Variants in HIVEP3 observed in about 807,000 individuals in gnomAD.
HIVEP3 encodes HIVEP zinc finger 3.
In HIVEP3, 49 loss-of-function variants were observed where a neutral mutation model predicts 152.8. The ratio of observed to expected loss-of-function variants is 0.32; its 90% CI spans 0.26 to 0.41. The LOEUF (loss-of-function observed/expected upper bound fraction) is 0.41, where lower values mean the gene tolerates loss of function less well. HIVEP3 is among the 10% of genes least tolerant of loss of function. HIVEP3 has a pLI of 1.00. For missense variants in HIVEP3, 2,790 were observed against 3,103.3 expected (o/e 0.90, Z 2.40); for synonymous variants, 1,269 against 1,289.0 (o/e 0.98, Z 0.33).
chr1:41,936,134 G>A (rs1207490791), intron 1 of HIVEP3, among the ~76,000 whole-genome samples: 3 of 152,156 alleles, frequency 2.0e-5, no homozygotes, highest in African/African-American at 7.2e-5. Context: ...AAGGGTAAAT[G>A]TAAATCACCC....
intron 1 of HIVEP3, among the ~76,000 whole-genome samples, chr1:41,963,243 C>T (rs1645178821): frequency 6.6e-6 from 1 of 152,072 alleles, no homozygotes; most frequent in East Asian, 1.9e-4. Context: ...GATCTCCTGA[C>T]CTCGTGATCC....
chr1:41,556,092 A>G (rs1223431168), intron 5 of HIVEP3, among the ~76,000 whole-genome samples: 1 of 152,246 alleles, frequency 6.6e-6, no homozygotes, highest in Non-Finnish European at 1.5e-5. Flanking sequence ...GCTGCTGAAC[A>G]CAGGTGTACA....
chr1:42,003,826 A>C (rs1013478655), intron 1 of HIVEP3, among the ~76,000 whole-genome samples: 2 of 151,686 alleles, frequency 1.3e-5, no homozygotes, highest in African/African-American at 4.8e-5. Context: ...TCAAGAGTAC[A>C]GTAAAGAGAA....
intron 1 of HIVEP3, among the ~76,000 whole-genome samples, chr1:41,730,824 G>T (rs1396201111): frequency 1.3e-5 from 2 of 152,200 alleles, no homozygotes; most frequent in South Asian, 2.1e-4. Flanking sequence ...AGGCTGGGGG[G>T]TGGGGCAAGA....
intron 5 of HIVEP3, among the ~76,000 whole-genome samples, chr1:41,544,548 C>T (rs1044524731): frequency 2.7e-5 from 4 of 150,820 alleles, no homozygotes; most frequent in South Asian, 4.2e-4. Flanking sequence ...AAACCCTCAC[C>T]ATAGGCCCCA....
chr1:41,926,808 G>C (rs1644970547), intron 1 of HIVEP3, among the ~76,000 whole-genome samples: 1 of 152,192 alleles, frequency 6.6e-6, no homozygotes, highest in South Asian at 2.1e-4. Flanking sequence ...TCCTACTTGA[G>C]GTTGTGTATC....
At chr1:41,550,847 T>G (rs1643886648) in intron 5 of HIVEP3, among the ~76,000 whole-genome samples, 1 of 151,930 alleles carries the variant, frequency 6.6e-6, no homozygotes, top group South Asian at 2.1e-4. Context: ...TTCCTCTTTT[T>G]CTAATTGAAT....
chr1:41,529,452 CCT>C (rs1491013245), intron 5 of HIVEP3, among the ~76,000 whole-genome samples: 1 of 133,188 alleles, frequency 7.5e-6, no homozygotes, highest in African/African-American at 2.8e-5. Flanking sequence ...CACCCCACAC[CCT>C]CACACTCCCC....
intron 1 of HIVEP3, among the ~76,000 whole-genome samples, chr1:41,703,430 T>C (rs1163411630): frequency 6.6e-6 from 1 of 152,244 alleles, no homozygotes; most frequent in Admixed American, 6.5e-5. Flanking sequence ...CCAGACTGCA[T>C]GCGTCCGAAT....
intron 1 of HIVEP3, among the ~76,000 whole-genome samples, chr1:41,858,209 T>C (rs1643822958): frequency 6.6e-6 from 1 of 152,208 alleles, no homozygotes; most frequent in South Asian, 2.1e-4. Context: ...AGCACTCTGC[T>C]CTGTTGGGAC....
rs150550659 is a variant in HIVEP3 at position 42,025,117 on chromosome 1, T to G, written n.119+10690A>C. Among the ~76,000 whole-genome samples, 257 of 152,330 alleles carry G rather than the reference T, an allele frequency of 1.7e-3. 2 individuals carry two copies. Among genetic ancestry groups the G allele is most frequent in the African/African-American group, 5.9e-3 (245 of 41,586 alleles). On this transcript the variant is annotated intron_variant and non_coding_transcript_variant, in intron 1 of 3. Transcript: ENST00000489103. ...CCTTGAATAGTTGTTTCTGCCCCAT[T>G]CTCTTTCCTCTCCTTTCCAATTAAA...
intron 1 of HIVEP3, among the ~76,000 whole-genome samples, chr1:41,897,950 A>G (rs931235575): frequency 6.9e-6 from 1 of 144,452 alleles, no homozygotes; most frequent in Non-Finnish European, 1.5e-5. Flanking sequence ...AGAGAGAGAG[A>G]GAGAGAGAGA....
At chr1:41,600,638 T>G (rs1455964613) in intron 3 of HIVEP3, among the ~76,000 whole-genome samples, 2 of 152,216 alleles carry the variant, frequency 1.3e-5, no homozygotes, top group Non-Finnish European at 2.9e-5. Context: ...CGCAGCAATG[T>G]GACTGCTTAA....
chr1:41,638,318 G>A (rs1645313165), intron 2 of HIVEP3, among the ~76,000 whole-genome samples: 1 of 108,204 alleles, frequency 9.2e-6, no homozygotes, highest in Non-Finnish European at 1.8e-5. Context: ...AAAGGAAAAG[G>A]AAAGAAAGAA....
At chr1:41,572,676 A>G (rs1390934970) in intron 5 of HIVEP3, among the ~76,000 whole-genome samples, 1 of 152,254 alleles carries the variant, frequency 6.6e-6, no homozygotes, top group East Asian at 1.9e-4. Flanking sequence ...TCCCTGATGA[A>G]TTAATAAATT....
chr1:41,583,191 G>A lies in HIVEP3; in HGVS notation c.1607C>T (p.Pro536Leu), dbSNP rs1216090572. ...QHPPSTAPPV[P>L]LLRSHSMPSA... ...AGGCATTGAGTGGCTTCTCAGGAGAGGCACAGGGGGGGCGGTACTGGGCGG... is the reference window on the plus strand; with the variant it reads ...AGGCATTGAGTGGCTTCTCAGGAGAAGCACAGGGGGGGCGGTACTGGGCGG... The change falls in exon 4 of 9, where the codon CCT (proline) becomes CTT (leucine). Residue 536 changes from proline (P) to leucine (L), a missense_variant. This residue lies in a region of HIVEP3 where 339 missense variants were observed against 327.0 expected (regional missense o/e 1.04). Transcript: ENST00000372583. This position sits in a 1 kb window ranked among gnomAD's most constrained non-coding sequence, Gnocchi z 6.9. 1 of 1,609,892 alleles carries A rather than the reference G, an allele frequency of 6.2e-7. No homozygotes were observed. Among genetic ancestry groups the A allele is most frequent in the Non-Finnish European group, 8.5e-7 (1 of 1,178,136 alleles).
At chr1:41,856,381 G>T (rs997385) in intron 1 of HIVEP3, among the ~76,000 whole-genome samples, 29,233 of 152,122 alleles carry the variant, frequency 0.19, 2,948 homozygotes, top group African/African-American at 0.25. Context: ...CACGCTCAAG[G>T]TGACCCCGTT....
intron 5 of HIVEP3, among the ~76,000 whole-genome samples, chr1:41,564,305 G>A (rs934725106): frequency 6.6e-6 from 1 of 152,244 alleles, no homozygotes; most frequent in Non-Finnish European, 1.5e-5. Flanking sequence ...AAATGTGACA[G>A]AGGGTATGAA....
At chr1:41,799,916 T>C (rs1650207374) in intron 1 of HIVEP3, among the ~76,000 whole-genome samples, 1 of 151,956 alleles carries the variant, frequency 6.6e-6, no homozygotes, top group African/African-American at 2.4e-5. Context: ...CTATGCTGAC[T>C]CAGATCCAGA....
Sources: gnomAD v4.1 joint callset for allele counts (sites outside exome capture counted in the v4.1 genomes callset) on GRCh38, gnomAD v4.1.1 for gene constraint, gnomAD v4.1.1 regional missense constraint, Gnocchi (gnomAD v3.1) non-coding constraint, MANE v1.5 for transcripts, NCBI Gene and HGNC (gene_info 2026-07-23, HGNC 2026-07-21) for gene names.